IMMP2L: variants seen among roughly 807,000 people sequenced by gnomAD.
The protein encoded by IMMP2L is mitochondrial inner membrane protease subunit 2.
In IMMP2L, 18 loss-of-function variants were observed where a neutral mutation model predicts 19.3. That is an observed-to-expected ratio of 0.93 (90% CI 0.64 to 1.38). The LOEUF (loss-of-function observed/expected upper bound fraction) is 1.38, where lower values mean the gene tolerates loss of function less well. Ranked by LOEUF, IMMP2L falls within the 40% of genes most tolerant of loss-of-function variation. The probability of loss-of-function intolerance (pLI) is 0.00; values close to 1 mark genes in which losing one functional copy is unlikely to be tolerated. For synonymous variants in IMMP2L, 76 were observed against 73.0 expected (o/e 1.04, Z -0.21); for missense variants, 233 against 218.2 (o/e 1.07, Z -0.43).
At chr7:111,040,354 A>C (rs1791777691) in intron 3 of IMMP2L, among the ~76,000 whole-genome samples, 1 of 152,198 alleles carries the variant, frequency 6.6e-6, no homozygotes, top group Admixed American at 6.5e-5. Flanking sequence ...ATGTTAGGTC[A>C]CCTAGACTGA....
intron 4 of IMMP2L, among the ~76,000 whole-genome samples, chr7:110,914,919 A>T (rs940614164): frequency 2.6e-5 from 4 of 152,178 alleles, no homozygotes; most frequent in African/African-American, 7.2e-5. Context: ...TATTAGGACG[A>T]CTTATCAAAG....
At chr7:111,434,064 C>A (rs1836891719) in intron 3 of IMMP2L, among the ~76,000 whole-genome samples, 1 of 151,696 alleles carries the variant, frequency 6.6e-6, no homozygotes, top group African/African-American at 2.4e-5. Context: ...GCTACAGGAA[C>A]CAAAACAGCA....
rs569616181 is a variant in IMMP2L at position 110,962,865 on chromosome 7, T to C, written c.305+635A>G. 29 of 1,317,944 alleles carry C rather than the reference T, an allele frequency of 2.2e-5. No homozygotes were observed. In the African/African-American group the frequency reaches 3.2e-4, roughly 15 times the overall value. The allele number at this position is 1,317,944 out of a possible 1,614,324, so 81.6% of individuals were successfully genotyped here. A position where few individuals can be genotyped will look rare whatever the true frequency, so the allele number is the denominator to read the frequency against. ...GGCTACCACATTGTATAGGCCTGGC[T>C]ACAACTTGTTTAAAGAAAGCGATCA... On this transcript the variant is annotated intron_variant, in intron 4 of 5. Transcript: ENST00000405709.
chr7:111,309,646 A>G (rs1823283906), intron 3 of IMMP2L, among the ~76,000 whole-genome samples: 1 of 152,154 alleles, frequency 6.6e-6, no homozygotes, highest in Admixed American at 6.6e-5. Context: ...AAAAAAGATC[A>G]TATGCTTATT....
At chr7:111,038,681 C>T (rs927691240) in intron 3 of IMMP2L, among the ~76,000 whole-genome samples, 2 of 152,040 alleles carry the variant, frequency 1.3e-5, no homozygotes, top group Non-Finnish European at 2.9e-5. Context: ...AAAGGGAGTA[C>T]ATTGTTTCAT....
At chr7:110,843,857 G>A (rs543248330) in intron 5 of IMMP2L, among the ~76,000 whole-genome samples, 10 of 152,250 alleles carry the variant, frequency 6.6e-5, no homozygotes, top group Non-Finnish European at 1.0e-4. Flanking sequence ...GAAGTGGTCC[G>A]TGTGTCGGCA....
chr7:110,970,435 C>A (rs1372333189), intron 3 of IMMP2L, among the ~76,000 whole-genome samples: 1 of 151,846 alleles, frequency 6.6e-6, no homozygotes, highest in African/African-American at 2.4e-5. Context: ...TGTGTGTGTG[C>A]ACATGTATTC....
At chr7:110,871,894 C>T (rs1808572213) in intron 5 of IMMP2L, among the ~76,000 whole-genome samples, 1 of 152,028 alleles carries the variant, frequency 6.6e-6, no homozygotes, top group Non-Finnish European at 1.5e-5. Flanking sequence ...ATTTATTGCT[C>T]CTGATTGAGG....
chr7:110,744,934 T>C (rs1039329541), intron 5 of IMMP2L, among the ~76,000 whole-genome samples: 1 of 152,114 alleles, frequency 6.6e-6, no homozygotes, highest in South Asian at 2.1e-4. Context: ...CTCCAGAAGA[T>C]GGGTAATAAC....
At chr7:111,139,364 C>T (rs1274603871) in intron 3 of IMMP2L, among the ~76,000 whole-genome samples, 1 of 152,056 alleles carries the variant, frequency 6.6e-6, no homozygotes, top group African/African-American at 2.4e-5. Context: ...TTTTGTTCAA[C>T]AAGTATTTAC....
chr7:111,287,170 G>T (rs951662525), intron 3 of IMMP2L, among the ~76,000 whole-genome samples: 1 of 152,010 alleles, frequency 6.6e-6, no homozygotes, highest in Non-Finnish European at 1.5e-5. Context: ...TCCTGTCTGT[G>T]GTAATAAATT....
intron 3 of IMMP2L, chr7:111,391,690 T>C (rs944995143): frequency 3.9e-6 from 2 of 514,202 alleles, no homozygotes; most frequent in Non-Finnish European, 3.5e-6. Context: ...TTATACAGAA[T>C]GACTATCCAA....
intron 3 of IMMP2L, among the ~76,000 whole-genome samples, chr7:111,183,018 G>A (rs1194641249): frequency 6.6e-6 from 1 of 151,926 alleles, no homozygotes; most frequent in Non-Finnish European, 1.5e-5. Flanking sequence ...CATTTTTAAA[G>A]TTTAAGTATT....
chr7:110,678,164 C>T (rs1424496797), intron 5 of IMMP2L, among the ~76,000 whole-genome samples: 1 of 152,018 alleles, frequency 6.6e-6, no homozygotes, highest in Non-Finnish European at 1.5e-5. Flanking sequence ...TTTCTGTAAC[C>T]CTCTGGTAGC....
At position 110,816,036 on chromosome 7, in the gene IMMP2L, C is replaced by T. The variant is rs758908964; in HGVS notation, c.408+70557G>A. Among the ~76,000 whole-genome samples the T allele has an allele frequency of 9.9e-4, 151 of 151,844 alleles. 1 individual carries two copies. Among genetic ancestry groups the T allele is most frequent in the African/African-American group, 1.7e-3 (70 of 41,448 alleles). On this transcript the variant is annotated intron_variant, in intron 5 of 5. Coordinates refer to ENST00000405709, the MANE Select transcript of IMMP2L (RefSeq NM_032549.4). The stretch of plus-strand genomic sequence containing the variant: ...TTGAATGTGTTTGCTCTTGCTTTTC[C>T]AGTTCTTTTAACTGTGATGTTAGGG...
At chr7:111,216,525 T>C (rs1811941670) in intron 3 of IMMP2L, among the ~76,000 whole-genome samples, 1 of 152,138 alleles carries the variant, frequency 6.6e-6, no homozygotes, top group Admixed American at 6.5e-5. Flanking sequence ...AATATTTCCA[T>C]TGTTTTGTGG....
chr7:111,243,477 GAAGTA>G (rs1013194935), intron 3 of IMMP2L, among the ~76,000 whole-genome samples: 17 of 150,426 alleles, frequency 1.1e-4, no homozygotes, highest in African/African-American at 4.1e-4. Flanking sequence ...TATGCTTATA[GAAGTA>G]AAGTGTTCAA....
chr7:111,318,549 C>G (rs1386215765), intron 3 of IMMP2L, among the ~76,000 whole-genome samples: 1 of 151,910 alleles, frequency 6.6e-6, no homozygotes, highest in Non-Finnish European at 1.5e-5. Context: ...ATGACTAAAC[C>G]CTAGACAAAA....
intron 3 of IMMP2L, among the ~76,000 whole-genome samples, chr7:111,320,250 CTCAG>C (rs1824543492): frequency 6.6e-6 from 1 of 152,010 alleles, no homozygotes; most frequent in South Asian, 2.1e-4. Flanking sequence ...CTCCATTCAC[CTCAG>C]TCAATGGCTT....
Sources: allele counts gnomAD v4.1 joint callset (sites outside exome capture counted in the v4.1 genomes callset), GRCh38; gene constraint gnomAD v4.1.1; transcripts MANE v1.5; gene names NCBI Gene and HGNC (gene_info 2026-07-23, HGNC 2026-07-21).